MYO1D: variants seen among roughly 807,000 people sequenced by gnomAD.
MYO1D encodes the protein myosin ID.
In MYO1D, 83 loss-of-function variants were observed where a neutral mutation model predicts 122.0. The ratio of observed to expected loss-of-function variants is 0.68; its 90% CI spans 0.57 to 0.82. MYO1D has a LOEUF of 0.82. Among genes scored for constraint, MYO1D ranks in the 40% least tolerant of loss-of-function variants. MYO1D has a pLI of 0.00. For synonymous variants in MYO1D, 464 were observed against 446.9 expected (o/e 1.04, Z -0.48); for missense variants, 1,157 against 1,269.5 (o/e 0.91, Z 1.35).
intron 21 of MYO1D, among the ~76,000 whole-genome samples, chr17:32,570,434 G>A (rs955576272): frequency 1.3e-5 from 2 of 151,824 alleles, no homozygotes; most frequent in African/African-American, 4.8e-5. Context: ...GCATGATCTT[G>A]GCTCACTGCA....
intron 11 of MYO1D, among the ~76,000 whole-genome samples, chr17:32,754,908 C>T (rs1479484480): frequency 1.5e-5 from 2 of 129,606 alleles, no homozygotes; most frequent in Non-Finnish European, 1.8e-5. Context: ...TCACCAATTA[C>T]TACAGATATG....
intron 1 of MYO1D, among the ~76,000 whole-genome samples, chr17:32,844,099 C>G (rs2090910801): frequency 2.0e-5 from 3 of 150,186 alleles, no homozygotes; most frequent in Non-Finnish European, 4.4e-5. Context: ...TATCAGCTCA[C>G]CAGTAAATTT....
At chr17:32,651,373 C>T (rs952301778) in intron 19 of MYO1D, among the ~76,000 whole-genome samples, 11 of 152,294 alleles carry the variant, frequency 7.2e-5, no homozygotes, top group African/African-American at 2.6e-4. Flanking sequence ...TCAGAGTTTT[C>T]TCTCTGTGCA....
intron 1 of MYO1D, among the ~76,000 whole-genome samples, chr17:32,844,142 T>A (rs1047861264): frequency 6.7e-6 from 1 of 149,442 alleles, no homozygotes; most frequent in Non-Finnish European, 1.5e-5. Context: ...ACACAACAAG[T>A]AACATATAAA....
chr17:32,555,675 C>T (rs113933597), intron 21 of MYO1D, among the ~76,000 whole-genome samples: 386 of 152,324 alleles, frequency 2.5e-3, no homozygotes, highest in African/African-American at 8.2e-3. Flanking sequence ...GGCTAGAATC[C>T]TGTATCCGTG....
At chr17:32,867,933 A>G in intron 1 of MYO1D, among the ~76,000 whole-genome samples, 1 of 151,672 alleles carries the variant, frequency 6.6e-6, no homozygotes, top group East Asian at 1.9e-4. Flanking sequence ...CAAAAAAAAA[A>G]CTCTAGACTT....
At chr17:32,863,017 C>T (rs939250147) in intron 1 of MYO1D, 1 of 152,118 alleles carries the variant, frequency 6.6e-6, no homozygotes, top group Non-Finnish European at 1.5e-5. Flanking sequence ...GGAACCCCAG[C>T]CTAGGGTAAA....
chr17:32,720,612 C>T (rs1365912031), intron 15 of MYO1D, among the ~76,000 whole-genome samples: 1 of 152,030 alleles, frequency 6.6e-6, no homozygotes, highest in Non-Finnish European at 1.5e-5. Flanking sequence ...GGAATCTAGG[C>T]TTTTTACTTA....
At chr17:32,774,436 A>G (rs1598087965) in intron 4 of MYO1D, among the ~76,000 whole-genome samples, 1 of 152,220 alleles carries the variant, frequency 6.6e-6, no homozygotes, top group East Asian at 1.9e-4. Flanking sequence ...GGGTGGGGTA[A>G]GAATTAGAAG....
chr17:32,781,644 T>C (rs989277545), intron 1 of MYO1D, among the ~76,000 whole-genome samples: 2 of 151,100 alleles, frequency 1.3e-5, no homozygotes, highest in African/African-American at 4.9e-5. Context: ...TGTTATATTT[T>C]ATGCATCATT....
intron 21 of MYO1D, among the ~76,000 whole-genome samples, chr17:32,542,476 T>C (rs1910864458): frequency 6.6e-6 from 1 of 152,136 alleles, no homozygotes; most frequent in Non-Finnish European, 1.5e-5. Flanking sequence ...GTTTTGTCAG[T>C]TTATTAACAC....
At chr17:32,814,351 A>G (rs1304775366) in intron 1 of MYO1D, among the ~76,000 whole-genome samples, 1 of 152,240 alleles carries the variant, frequency 6.6e-6, no homozygotes, top group African/African-American at 2.4e-5. Context: ...TCAAGAAAAC[A>G]AAAACAAAAA....
intron 17 of MYO1D, among the ~76,000 whole-genome samples, chr17:32,655,501 A>G (rs1303403018): frequency 1.3e-5 from 2 of 152,146 alleles, no homozygotes; most frequent in African/African-American, 2.4e-5. Context: ...GGCACCACTG[A>G]TAAGGATAGA....
In MYO1D at chr17:32,738,246, T is replaced by C. The variant is rs1182495370; in HGVS notation, c.1746+7A>G. The C allele has an allele frequency of 6.3e-7, 1 of 1,582,366 alleles. No homozygotes were observed. Among genetic ancestry groups the C allele is most frequent in the African/African-American group, 1.4e-5 (1 of 73,552 alleles). On this transcript the variant is annotated splice_region_variant and intron_variant, in intron 14 of 21. Transcript: ENST00000318217. ...TAAAATGGATATTTAGAAAAGAAAA[T>C]AATTACCTTTGATGCAAGGTTGTCT...
At chr17:32,505,781 G>C (rs1909483309) in intron 21 of MYO1D, 1 of 152,234 alleles carries the variant, frequency 6.6e-6, no homozygotes, top group Non-Finnish European at 1.5e-5. Flanking sequence ...AATACCCAGA[G>C]AGAAAAGACA....
intron 16 of MYO1D, among the ~76,000 whole-genome samples, chr17:32,687,837 T>C (rs535946051): frequency 2.0e-5 from 3 of 152,320 alleles, no homozygotes; most frequent in African/African-American, 7.2e-5. Flanking sequence ...AAGTACATTA[T>C]TGACGAAATG....
intron 1 of MYO1D, among the ~76,000 whole-genome samples, chr17:32,867,798 CAAAAAAAAAAAAAAAA>C (rs5820001): frequency 1.9e-5 from 1 of 53,902 alleles, no homozygotes; most frequent in Non-Finnish European, 3.2e-5. Context: ...GACTCCGTCT[CAAAAAAAAAAAAAAAA>C]AAAAAAAAAG....
At chr17:32,778,435 A>T (rs2090202111) in intron 3 of MYO1D, 45 bp downstream of exon 3, 1 of 1,572,334 alleles carries the variant, frequency 6.4e-7, no homozygotes, top group African/African-American at 1.4e-5. Context: ...TCCATAGAGA[A>T]AACAGAGTGC....
intron 1 of MYO1D, among the ~76,000 whole-genome samples, chr17:32,781,455 TAG>T (rs1223959685): frequency 1.3e-5 from 2 of 152,208 alleles, no homozygotes; most frequent in Admixed American, 6.5e-5. Flanking sequence ...TTCTGTGGTA[TAG>T]ATTCTCAGGA....
Sources: gnomAD v4.1 joint callset for allele counts (sites outside exome capture counted in the v4.1 genomes callset) on GRCh38, gnomAD v4.1.1 for gene constraint, MANE v1.5 for transcripts, NCBI Gene and HGNC (gene_info 2026-07-23, HGNC 2026-07-21) for gene names.